The following RANBP2 variants were observed in gnomAD, a reference collection of about 807,000 sequenced individuals.
RANBP2 encodes the protein E3 SUMO-protein ligase RanBP2.
A neutral mutation model predicts 303.6 loss-of-function variants in RANBP2; 57 were observed. The ratio of observed to expected loss-of-function variants is 0.19; its 90% CI spans 0.15 to 0.23. RANBP2 has a LOEUF of 0.23. RANBP2 is among the 10% of genes least tolerant of loss of function. The pLI is 1.00. For missense variants in RANBP2, 3,138 were observed against 3,780.8 expected, an observed-to-expected ratio of 0.83 and a Z score of 4.46; for synonymous variants, 1,167 against 1,301.5, an observed-to-expected ratio of 0.90 and a Z score of 2.23.
chr2:109,298,910 C>T, the RANBP2 span, among the ~76,000 whole-genome samples: 3 of 152,200 alleles, frequency 2.0e-5, no homozygotes, highest in Admixed American at 6.5e-5. Flanking sequence ...TGCCAGTCCT[C>T]AACTCAGAAT....
the RANBP2 span, among the ~76,000 whole-genome samples, chr2:109,683,490 G>T: frequency 6.6e-6 from 1 of 152,170 alleles, no homozygotes; most frequent in Admixed American, 6.5e-5. Flanking sequence ...GCCATGGGCA[G>T]GGGGTCTTAA....
chr2:108,876,086 A>G, the RANBP2 span: 1 of 1,564,868 alleles, frequency 6.4e-7, no homozygotes, highest in Non-Finnish European at 8.8e-7. Context: ...TTTTTTTTAC[A>G]GGAGTAATAA....
chr2:109,297,198 C>T, the RANBP2 span, among the ~76,000 whole-genome samples: 5 of 152,078 alleles, frequency 3.3e-5, no homozygotes, highest in South Asian at 8.3e-4. Flanking sequence ...GGTGAGTTCC[C>T]CAAGAAGACC....
At chr2:108,745,252 T>C (rs1458386999) in intron 7 of RANBP2, among the ~76,000 whole-genome samples, 1 of 143,722 alleles carries the variant, frequency 7.0e-6, no homozygotes, top group Non-Finnish European at 1.5e-5. Context: ...TATCTAACCC[T>C]AAAGAGGTTG....
Position 108,763,374 on chromosome 2 carries a change from T to C in RANBP2, c.2835T>C (p.Arg945=), listed in dbSNP as rs1294657759. ...AGATGTATGGTCCTCCTGCATTGCG[T>C]TTTGAGTCTCCTGCAACGGGAATTC... ...SQEMYGPPAL[R]FESPATGILS... is the part of the protein sequence containing the mutation. The change falls in exon 20 of 29, where the codon CGT becomes CGC. Residue 945 remains arginine (R), a synonymous_variant. Coordinates refer to ENST00000283195, the MANE Select transcript of RANBP2 (RefSeq NM_006267.5). 1 of 1,613,782 alleles carries C rather than the reference T, an allele frequency of 6.2e-7. No homozygotes were observed. The highest frequency in any genetic ancestry group is 8.5e-7 in the Non-Finnish European group (1 of 1,179,942).
the RANBP2 span, among the ~76,000 whole-genome samples, chr2:109,094,771 G>A: frequency 3.3e-5 from 5 of 152,146 alleles, no homozygotes; most frequent in South Asian, 2.1e-4. Context: ...TGGAGGTTGC[G>A]GTGAGCCGAG....
chr2:108,935,602 C>T, the RANBP2 span, among the ~76,000 whole-genome samples: 1 of 152,224 alleles, frequency 6.6e-6, no homozygotes, highest in Admixed American at 6.5e-5. Flanking sequence ...TCTTTAAGTT[C>T]TGGCCTTCTT....
chr2:109,412,319 G>T, the RANBP2 span, among the ~76,000 whole-genome samples: 6 of 152,334 alleles, frequency 3.9e-5, no homozygotes, highest in South Asian at 1.2e-3. Context: ...GGGAGGTGGA[G>T]ATCCAAGTGC....
the RANBP2 span, chr2:109,347,686 C>A: frequency 1.2e-6 from 2 of 1,613,504 alleles, no homozygotes; most frequent in Non-Finnish European, 1.7e-6. Context: ...TCCCTGCCTG[C>A]TTCCCTATGG....
At chr2:108,754,860 A>G (rs575886207) in intron 15 of RANBP2, 45 bp from the exon 16 acceptor site, 1 of 1,608,324 alleles carries the variant, frequency 6.2e-7, no homozygotes, top group South Asian at 1.1e-5. Flanking sequence ...TACTTTTGGA[A>G]TTTTTTGCAA....
the RANBP2 span, among the ~76,000 whole-genome samples, chr2:109,493,440 T>C: frequency 1.3e-5 from 2 of 148,800 alleles, no homozygotes; most frequent in African/African-American, 2.5e-5. Context: ...ACTACACACA[T>C]GTGCAAACAC....
At chr2:109,115,724 C>A in the RANBP2 span, among the ~76,000 whole-genome samples, 1 of 152,164 alleles carries the variant, frequency 6.6e-6, no homozygotes, top group African/African-American at 2.4e-5. Context: ...TCTTCCTAGC[C>A]TTGATGGTCT....
At chr2:109,401,514 C>G in the RANBP2 span, among the ~76,000 whole-genome samples, 1,109 of 152,354 alleles carry the variant, frequency 7.3e-3, 13 homozygotes, top group East Asian at 0.052. Flanking sequence ...AGTGCCTATC[C>G]TGACAAGTAT....
the RANBP2 span, among the ~76,000 whole-genome samples, chr2:109,546,916 T>C: frequency 6.6e-6 from 1 of 152,216 alleles, no homozygotes; most frequent in Non-Finnish European, 1.5e-5. Context: ...ATACATTTGA[T>C]GCAGCTGTAG....
chr2:109,736,807 A>G, the RANBP2 span, among the ~76,000 whole-genome samples: 1 of 152,214 alleles, frequency 6.6e-6, no homozygotes, highest in East Asian at 1.9e-4. Context: ...GAAAAGCAAT[A>G]GAAATGATTG....
the RANBP2 span, among the ~76,000 whole-genome samples, chr2:109,255,238 T>C: frequency 6.6e-6 from 1 of 152,196 alleles, no homozygotes; most frequent in East Asian, 1.9e-4. Flanking sequence ...GAATAGTGCA[T>C]CTAGGTTGGA....
chr2:108,981,077 C>T, the RANBP2 span, among the ~76,000 whole-genome samples: 3,869 of 152,248 alleles, frequency 0.025, 96 homozygotes, highest in African/African-American at 0.063. Context: ...GCTCACGGCC[C>T]GCTCTAAGCA....
chr2:109,613,874 G>A, the RANBP2 span: 1 of 1,230,956 alleles, frequency 8.1e-7, no homozygotes, highest in Non-Finnish European at 1.0e-6. Context: ...GCCCGGCCCC[G>A]AGCGGCTGGT....
chr2:109,290,030 A>G, the RANBP2 span, among the ~76,000 whole-genome samples: 2 of 152,178 alleles, frequency 1.3e-5, no homozygotes, highest in Non-Finnish European at 2.9e-5. Flanking sequence ...TTCCGATTCT[A>G]TAGGTACAGG....
Sources: gnomAD v4.1 joint callset for allele counts (sites outside exome capture counted in the v4.1 genomes callset) on GRCh38, gnomAD v4.1.1 for gene constraint, MANE v1.5 for transcripts, NCBI Gene and HGNC (gene_info 2026-07-23, HGNC 2026-07-21) for gene names.